CHP1: variants seen among roughly 807,000 people sequenced by gnomAD.
The protein encoded by CHP1 is calcineurin B homologous protein 1.
In CHP1, 11 loss-of-function variants were observed where a neutral mutation model predicts 27.4. The observed-to-expected ratio is 0.40, with a 90% CI of 0.25 to 0.67. The LOEUF is 0.67. CHP1 is among the 30% of genes least tolerant of loss of function. The probability of loss-of-function intolerance (pLI) is 0.38; values close to 1 mark genes in which losing one functional copy is unlikely to be tolerated. For missense variants in CHP1, 169 were observed against 251.3 expected (o/e 0.67, Z 2.22); for synonymous variants, 89 against 87.4 (o/e 1.02, Z -0.10).
At chr15:41,257,752 G>T (rs945541564) in intron 3 of CHP1, among the ~76,000 whole-genome samples, 2 of 151,822 alleles carry the variant, frequency 1.3e-5, no homozygotes, top group South Asian at 2.1e-4. Flanking sequence ...TAGAGACAGG[G>T]TTTCACCATG....
chr15:41,232,867 G>A (rs1295393850), intron 1 of CHP1, among the ~76,000 whole-genome samples: 1 of 152,136 alleles, frequency 6.6e-6, no homozygotes. Flanking sequence ...TCTCTGCTTT[G>A]TGACAAGTTC....
intron 3 of CHP1, among the ~76,000 whole-genome samples, chr15:41,257,710 C>A (rs2047407888): frequency 6.6e-6 from 1 of 151,824 alleles, no homozygotes; most frequent in African/African-American, 2.4e-5. Context: ...CAGCCACATG[C>A]CACCATACCT....
chr15:41,266,397 C>T (rs1343085997), intron 4 of CHP1, among the ~76,000 whole-genome samples: 1 of 151,618 alleles, frequency 6.6e-6, no homozygotes, highest in African/African-American at 2.4e-5. Context: ...CATCTTAGGC[C>T]CAGGGCATGG....
At chr15:41,274,181 GA>G (rs1267633356) in intron 5 of CHP1, among the ~76,000 whole-genome samples, 1 of 151,894 alleles carries the variant, frequency 6.6e-6, no homozygotes, top group African/African-American at 2.4e-5. Flanking sequence ...GGCTGGTCTT[GA>G]ACTCCTGACC....
intron 2 of CHP1, among the ~76,000 whole-genome samples, chr15:41,252,112 T>G (rs746811105): frequency 2.0e-4 from 30 of 152,174 alleles, no homozygotes; most frequent in Non-Finnish European, 2.9e-4. Flanking sequence ...ATTTCAGTGT[T>G]AATAAATATG....
At chr15:41,273,687 T>TA (rs879274672) in intron 5 of CHP1, among the ~76,000 whole-genome samples, 106 of 141,032 alleles carry the variant, frequency 7.5e-4, no homozygotes, top group South Asian at 1.8e-3. Context: ...ATTCATGATT[T>TA]AAAAAAAAAA....
At chr15:41,240,797 C>T (rs552686999) in intron 1 of CHP1, among the ~76,000 whole-genome samples, 1 of 147,372 alleles carries the variant, frequency 6.8e-6, no homozygotes, top group East Asian at 2.0e-4. Flanking sequence ...ATGAAAATGG[C>T]AGTGTTGGGA....
chr15:41,270,644 T>G lies in CHP1; in HGVS notation c.411+26T>G. On this transcript the variant is annotated intron_variant, in intron 5 of 6. Coordinates refer to ENST00000334660, the MANE Select transcript of CHP1 (RefSeq NM_007236.5). ...GTATGTGGAGAGCTCCTCGAGAACT[T>G]GTGCTTGGACTCTGCCTGCTTATTA... 3 of 1,587,240 alleles carry G rather than the reference T, an allele frequency of 1.9e-6. No individual in the cohort carries two copies. In the Admixed American group the frequency reaches 5.0e-5, roughly 27 times the overall value.
At chr15:41,249,155 T>C (rs1239705222) in intron 2 of CHP1, among the ~76,000 whole-genome samples, 7 of 152,156 alleles carry the variant, frequency 4.6e-5, no homozygotes, top group Non-Finnish European at 1.0e-4. Flanking sequence ...AATCTTTTGT[T>C]ACCTGGAACA....
At chr15:41,244,528 G>A (rs765928042) in intron 2 of CHP1, among the ~76,000 whole-genome samples, 5 of 152,096 alleles carry the variant, frequency 3.3e-5, no homozygotes, top group African/African-American at 4.8e-5. Flanking sequence ...TCATCTGAGG[G>A]CCATTTTGCC....
At chr15:41,231,477 C>A in intron 1 of CHP1, 28 bp downstream of exon 1, 1 of 1,585,116 alleles carries the variant, frequency 6.3e-7, no homozygotes, top group South Asian at 1.2e-5. Flanking sequence ...GTGGGAACGC[C>A]GGGCGCCTCA....
intron 2 of CHP1, among the ~76,000 whole-genome samples, chr15:41,248,771 A>G (rs1438297612): frequency 6.6e-6 from 1 of 152,172 alleles, no homozygotes. Flanking sequence ...AATAAATGAG[A>G]GAAGCACCAA....
At chr15:41,275,193 T>C (rs1321087886) in intron 5 of CHP1, among the ~76,000 whole-genome samples, 2 of 152,142 alleles carry the variant, frequency 1.3e-5, no homozygotes, top group Non-Finnish European at 2.9e-5. Flanking sequence ...GTGTCTTTCT[T>C]GTCGCCCAGG....
At chr15:41,266,914 T>G (rs1288296446) in intron 4 of CHP1, among the ~76,000 whole-genome samples, 1 of 151,784 alleles carries the variant, frequency 6.6e-6, no homozygotes, top group Non-Finnish European at 1.5e-5. Context: ...GCAGGAGAAT[T>G]GCTTGAACCC....
chr15:41,247,921 A>C (rs2047344209), intron 2 of CHP1, among the ~76,000 whole-genome samples: 1 of 151,972 alleles, frequency 6.6e-6, no homozygotes. Context: ...GTGAGCCGAG[A>C]TCACACCACC....
In CHP1 at chr15:41,261,100, C is replaced by A. The variant is rs982423070; in HGVS notation, c.222-1656C>A. On this transcript the variant is annotated intron_variant, in intron 3 of 6. Transcript: ENST00000334660. ...ATTCCTTCCTTCCTTCCTTTCCTCC[C>A]TCCCTTCCTTCCTTTTCCTTTCCTT... Among the ~76,000 whole-genome samples the A allele has an allele frequency of 2.0e-5, 3 of 150,552 alleles. No individual in the cohort carries two copies. In the South Asian group the frequency reaches 6.3e-4, roughly 32 times the overall value.
intron 1 of CHP1, among the ~76,000 whole-genome samples, chr15:41,231,937 G>A (rs190953120): frequency 3.8e-4 from 58 of 152,236 alleles, no homozygotes; most frequent in African/African-American, 1.3e-3. Flanking sequence ...CACCCAGAAA[G>A]CAAGACCGTG....
intron 1 of CHP1, among the ~76,000 whole-genome samples, chr15:41,235,240 C>T (rs1446594060): frequency 7.1e-6 from 1 of 140,152 alleles, no homozygotes; most frequent in Non-Finnish European, 1.5e-5. Context: ...TTTATGAGGC[C>T]AGGCGCAGTG....
At chr15:41,257,599 G>A (rs1339340564) in intron 3 of CHP1, among the ~76,000 whole-genome samples, 2 of 151,410 alleles carry the variant, frequency 1.3e-5, no homozygotes, top group Non-Finnish European at 2.9e-5. Context: ...TTGCTCGGTC[G>A]CTCAGGCTGG....
Sources: allele counts gnomAD v4.1 joint callset (sites outside exome capture counted in the v4.1 genomes callset), GRCh38; gene constraint gnomAD v4.1.1; transcripts MANE v1.5; gene names NCBI Gene and HGNC (gene_info 2026-07-23, HGNC 2026-07-21).